CCNYL1: variants seen among roughly 807,000 people sequenced by gnomAD.
The protein encoded by CCNYL1 is cyclin Y like 1, also known as cyclin-Y-like protein 1.
A neutral mutation model predicts 44.2 loss-of-function variants in CCNYL1; 16 were observed. That is an observed-to-expected ratio of 0.36 (90% CI 0.25 to 0.55). The LOEUF (loss-of-function observed/expected upper bound fraction) is 0.55, where lower values mean the gene tolerates loss of function less well. Among genes scored for constraint, CCNYL1 ranks in the 20% least tolerant of loss-of-function variants. The probability of loss-of-function intolerance (pLI) is 0.85; values close to 1 mark genes in which losing one functional copy is unlikely to be tolerated. For missense variants in CCNYL1, 348 were observed against 451.8 expected (o/e 0.77, Z 2.08); for synonymous variants, 159 against 163.2 (o/e 0.97, Z 0.20).
chr2:207,729,181 T>C (rs1024805903), intron 3 of CCNYL1, among the ~76,000 whole-genome samples: 1 of 151,544 alleles, frequency 6.6e-6, no homozygotes, highest in African/African-American at 2.4e-5. Flanking sequence ...TTCTTTTTCC[T>C]GATATTCTTA....
chr2:207,732,195 A>G (rs890178246), intron 3 of CCNYL1, among the ~76,000 whole-genome samples: 2 of 152,236 alleles, frequency 1.3e-5, no homozygotes, highest in Non-Finnish European at 2.9e-5. Flanking sequence ...ATAAAAGTAT[A>G]TACATTAGCA....
rs2091911142 is a variant in CCNYL1, at chr2:207,753,652, C to T, written c.1034C>T (p.Ala345Val). 6.8e-6 allele frequency: 11 copies of T among 1,611,858 alleles called. No homozygotes were observed. Among genetic ancestry groups the T allele is most frequent in the Non-Finnish European group, 8.5e-6 (10 of 1,178,852 alleles). Residue 345 changes from alanine to valine, a missense_variant, in exon 10 of 10, where the codon GCT becomes GTT. Coordinates refer to ENST00000295414, the MANE Select transcript of CCNYL1 (RefSeq NM_001330218.2). The part of the protein sequence containing the change: ...CRAAMRRSFS[A>V]DNFIGIQRSK... Reference sequence around the variant, plus strand: ...GCCGCTATGAGAAGGTCTTTCAGTGCTGATAACTTCATTGGTATTCAGCGC... The same window carrying T: ...GCCGCTATGAGAAGGTCTTTCAGTGTTGATAACTTCATTGGTATTCAGCGC...
chr2:207,747,579 T>TG, intron 8 of CCNYL1, among the ~76,000 whole-genome samples: 1 of 152,364 alleles, frequency 6.6e-6, no homozygotes, highest in South Asian at 2.1e-4. Flanking sequence ...GACGGAGTCT[T>TG]GCTCGGTTGC....
At chr2:207,730,187 A>G (rs1217080709) in intron 3 of CCNYL1, among the ~76,000 whole-genome samples, 1 of 152,064 alleles carries the variant, frequency 6.6e-6, no homozygotes, top group African/African-American at 2.4e-5. Flanking sequence ...CAGTCCTACT[A>G]TTTCTGAGCC....
chr2:207,751,242 G>A (rs776221344), intron 9 of CCNYL1, 123 bp downstream of exon 9: 60 of 781,204 alleles, frequency 7.7e-5, no homozygotes, highest in Middle Eastern at 2.3e-4. Flanking sequence ...ACACTGAAGA[G>A]CTTATTAGCC....
At chr2:207,722,216 G>A (rs1469353508) in intron 1 of CCNYL1, among the ~76,000 whole-genome samples, 1 of 151,848 alleles carries the variant, frequency 6.6e-6, no homozygotes, top group Non-Finnish European at 1.5e-5. Context: ...GGGACTAGAG[G>A]TGCACGCCAT....
At chr2:207,737,478 C>T in intron 5 of CCNYL1, 32 bp downstream of exon 5, 1 of 1,566,876 alleles carries the variant, frequency 6.4e-7, no homozygotes, top group Non-Finnish European at 8.8e-7. Flanking sequence ...CTTGTTATTC[C>T]AGCTAATTAC....
intron 4 of CCNYL1, among the ~76,000 whole-genome samples, chr2:207,735,929 C>T (rs2091761693): frequency 6.6e-6 from 1 of 151,968 alleles, no homozygotes; most frequent in African/African-American, 2.4e-5. Context: ...CCAAGTCATA[C>T]CCGATGCCAA....
At chr2:207,724,525 G>A (rs925360431) in intron 1 of CCNYL1, among the ~76,000 whole-genome samples, 2 of 152,140 alleles carry the variant, frequency 1.3e-5, no homozygotes, top group East Asian at 1.9e-4. Context: ...GAGGACATGC[G>A]TATGATTCAT....
intron 2 of CCNYL1, among the ~76,000 whole-genome samples, chr2:207,725,631 A>G (rs2091674384): frequency 6.6e-6 from 1 of 152,228 alleles, no homozygotes; most frequent in Non-Finnish European, 1.5e-5. Flanking sequence ...ATCACATTCA[A>G]ATTTATGCTA....
intron 4 of CCNYL1, 100 bp downstream of exon 4, chr2:207,734,147 C>T: frequency 3.0e-6 from 2 of 665,350 alleles, no homozygotes; most frequent in East Asian, 2.7e-5. Flanking sequence ...TTGTCCTTTT[C>T]AGCAATGAGT....
chr2:207,724,709 T>A (rs1387186607), intron 1 of CCNYL1, 91 bp from the exon 2 acceptor site: 2 of 930,956 alleles, frequency 2.1e-6, no homozygotes, highest in Non-Finnish European at 3.4e-6. Flanking sequence ...CTGAAGACTG[T>A]TAAAAGTGAT....
chr2:207,712,696 G>T (rs1170529837), intron 1 of CCNYL1, among the ~76,000 whole-genome samples: 1 of 152,170 alleles, frequency 6.6e-6, no homozygotes. Flanking sequence ...AGGTTAAGTC[G>T]GCGTGAAAGA....
At chr2:207,712,205 G>A in intron 1 of CCNYL1, 89 bp downstream of exon 1, 1 of 1,131,210 alleles carries the variant, frequency 8.8e-7, no homozygotes, top group Non-Finnish European at 1.2e-6. Flanking sequence ...CGCCGCCTCG[G>A]GCTCCTTCCT....
rs1317321068 is a variant in CCNYL1 at position 207,719,634 on chromosome 2, C to T, written c.221-5166C>T. 3.3e-5 allele frequency among the ~76,000 whole-genome samples: 5 copies of T among 152,106 alleles called. No homozygotes were observed. The East Asian group carries it at 9.6e-4, about 29-fold the overall frequency. On this transcript the variant is annotated intron_variant, in intron 1 of 9. Coordinates refer to ENST00000295414, the MANE Select transcript of CCNYL1 (RefSeq NM_001330218.2). ...TTGCTCTTGCATTTCATTTTATTCT[C>T]ACTATATTTTGAGTTAGGTAGTATA... is the stretch of plus-strand genomic sequence containing the variant.
rs962297376 is a variant in CCNYL1, at chr2:207,727,906, A to G, written c.330+1030A>G. The stretch of plus-strand genomic sequence containing the variant: ...TTTTCCTGGGAAAGGGCCCATAGAC[A>G]GACATATTTAGAGATCTAGCCTGTC... On this transcript the variant is annotated intron_variant, in intron 3 of 9. Coordinates refer to ENST00000295414, the MANE Select transcript of CCNYL1 (RefSeq NM_001330218.2). Among the ~76,000 whole-genome samples the G allele has an allele frequency of 5.9e-5, 9 of 151,878 alleles. No homozygotes were observed. In the Middle Eastern group the frequency reaches 0.01, roughly 177 times the overall value.
In CCNYL1 at chr2:207,750,985, C is replaced by T. The variant is rs1241087182; in HGVS notation, c.835C>T (p.Leu279Phe). 6 of 1,613,734 alleles carry T rather than the reference C, an allele frequency of 3.7e-6. No individual in the cohort carries two copies. The highest frequency in any genetic ancestry group is 1.1e-5 in the South Asian group (1 of 91,064). The stretch of plus-strand genomic sequence containing the variant: ...TGAAATGGAAAGGCATTTTCTGGAG[C>T]TTCTTCAGTTTAATATTAATGTTCC... ...MNEMERHFLE[L>F]LQFNINVPAS... The change falls in exon 9 of 10, where the codon CTT becomes TTT. Residue 279 changes from leucine (L) to phenylalanine (F), a missense_variant. Physicochemically the swap from Leu to Phe is conservative, Grantham distance 22. Transcript: ENST00000295414.
At chr2:207,726,625 A>G (rs1231653632) in intron 2 of CCNYL1, among the ~76,000 whole-genome samples, 1 of 152,230 alleles carries the variant, frequency 6.6e-6, no homozygotes, top group East Asian at 1.9e-4. Flanking sequence ...TTTCCATGTA[A>G]TAGAATATCT....
intron 8 of CCNYL1, 94 bp from the exon 9 acceptor site, chr2:207,750,863 G>A (rs2091885992): frequency 9.5e-7 from 1 of 1,047,972 alleles, no homozygotes; most frequent in African/African-American, 1.6e-5. Flanking sequence ...ATAGAGTTTA[G>A]AGCCATTCTA....
Sources: allele counts gnomAD v4.1 joint callset (sites outside exome capture counted in the v4.1 genomes callset), GRCh38; gene constraint gnomAD v4.1.1; transcripts MANE v1.5; gene names NCBI Gene and HGNC (gene_info 2026-07-23, HGNC 2026-07-21).